Variants in GLIS3 observed in about 807,000 individuals in gnomAD.
GLIS3 encodes the protein GLIS family zinc finger 3, also known as zinc finger protein GLIS3.
GLIS3 carries 53 observed loss-of-function variants against 78.6 expected under a neutral mutation model. The ratio of observed to expected loss-of-function variants is 0.67; its 90% CI spans 0.54 to 0.85. The LOEUF is 0.85. Ranked by LOEUF, GLIS3 falls within the 40% of genes least tolerant of loss-of-function variation. The probability of loss-of-function intolerance (pLI) is 0.00; values close to 1 mark genes in which losing one functional copy is unlikely to be tolerated. For missense variants in GLIS3, 1,703 were observed against 1,231.1 expected (o/e 1.38, Z -5.74); for synonymous variants, 684 against 509.9 (o/e 1.34, Z -4.60).
At chr9:3,856,670 C>T (rs1006105902) in intron 8 of GLIS3, among the ~76,000 whole-genome samples, 19 of 152,198 alleles carry the variant, frequency 1.2e-4, no homozygotes, top group Admixed American at 1.2e-3. Context: ...ATGAGCCTCT[C>T]TAATCCTATT....
intron 2 of GLIS3, among the ~76,000 whole-genome samples, chr9:4,284,192 C>G (rs1356100093): frequency 1.3e-5 from 2 of 152,178 alleles, no homozygotes; most frequent in African/African-American, 4.8e-5. Flanking sequence ...AGTTAAATAA[C>G]CATAGCATAC....
At chr9:4,011,270 T>A (rs1821981704) in intron 4 of GLIS3, among the ~76,000 whole-genome samples, 1 of 152,158 alleles carries the variant, frequency 6.6e-6, no homozygotes, top group Non-Finnish European at 1.5e-5. Context: ...AGAATCGGGT[T>A]TGTAAGAGTC....
the GLIS3 span, among the ~76,000 whole-genome samples, chr9:4,370,273 T>TC: frequency 6.7e-6 from 1 of 149,986 alleles, no homozygotes; most frequent in African/African-American, 2.5e-5. Context: ...AGTGGGGCCC[T>TC]CCCCTTCCAT....
At chr9:3,973,772 A>G (rs1290267824) in intron 4 of GLIS3, among the ~76,000 whole-genome samples, 1 of 152,186 alleles carries the variant, frequency 6.6e-6, no homozygotes, top group Non-Finnish European at 1.5e-5. Flanking sequence ...AGTAGTTAAA[A>G]TGAGAATCAC....
At chr9:4,072,316 C>A (rs1039501929) in intron 4 of GLIS3, among the ~76,000 whole-genome samples, 4 of 152,156 alleles carry the variant, frequency 2.6e-5, no homozygotes, top group Non-Finnish European at 5.9e-5. Flanking sequence ...CATTCACAAT[C>A]AGTGCAGTTT....
the GLIS3 span, among the ~76,000 whole-genome samples, chr9:4,393,157 C>T: frequency 6.6e-6 from 1 of 152,086 alleles, no homozygotes; most frequent in Admixed American, 6.5e-5. Context: ...ATATCTTTTA[C>T]ACAGGTTCAC....
chr9:3,988,551 T>A lies in GLIS3; in HGVS notation c.1711-51362A>T, dbSNP rs116364508. Among the ~76,000 whole-genome samples, 1,411 of 152,290 alleles carry A rather than the reference T, an allele frequency of 9.3e-3. 24 individuals carry two copies. Among genetic ancestry groups the A allele is most frequent in the African/African-American group, 0.032 (1,310 of 41,564 alleles). ...AGTAATCAAGACAATGTGGTATTGA[T>A]GAATTAATACATAGATCGATTGAAC... On this transcript the variant is annotated intron_variant, in intron 4 of 10. Transcript: ENST00000381971.
intron 2 of GLIS3, among the ~76,000 whole-genome samples, chr9:4,157,832 A>G (rs1021431231): frequency 1.8e-4 from 28 of 152,202 alleles, no homozygotes; most frequent in Admixed American, 1.8e-3. Flanking sequence ...GGGAGCCTTT[A>G]TGTGCAGTTA....
chr9:4,020,874 T>A (rs980374114), intron 4 of GLIS3, among the ~76,000 whole-genome samples: 1 of 152,224 alleles, frequency 6.6e-6, no homozygotes, highest in African/African-American at 2.4e-5. Context: ...GTGTATCTCC[T>A]GATCACAGCC....
At chr9:3,927,565 A>G (rs947441950) in intron 6 of GLIS3, among the ~76,000 whole-genome samples, 49 of 152,202 alleles carry the variant, frequency 3.2e-4, no homozygotes, top group African/African-American at 1.0e-3. Context: ...ATCCTGGACC[A>G]TTACCCCAGA....
chr9:4,265,709 C>G (rs1825936621), intron 2 of GLIS3, among the ~76,000 whole-genome samples: 1 of 152,074 alleles, frequency 6.6e-6, no homozygotes, highest in South Asian at 2.1e-4. Flanking sequence ...ACACAGAGAC[C>G]AAGTGTCATG....
At chr9:4,120,603 A>T (rs1425060008) in intron 3 of GLIS3, among the ~76,000 whole-genome samples, 1 of 152,224 alleles carries the variant, frequency 6.6e-6, no homozygotes, top group African/African-American at 2.4e-5. Flanking sequence ...CCCCAGCAAG[A>T]TCGAGGAATT....
chr9:4,419,698 T>TA, the GLIS3 span, among the ~76,000 whole-genome samples: 1 of 152,194 alleles, frequency 6.6e-6, no homozygotes, highest in African/African-American at 2.4e-5. Context: ...GAGAATCGCT[T>TA]GAACCCAGGA....
At chr9:4,182,972 C>T (rs10814863) in intron 2 of GLIS3, among the ~76,000 whole-genome samples, 41,763 of 152,116 alleles carry the variant, frequency 0.27, 6,923 homozygotes, top group South Asian at 0.53. Flanking sequence ...AAATGACACC[C>T]CACCGCTCAC....
At chr9:4,338,052 G>C (rs1156237499) in intron 2 of GLIS3, among the ~76,000 whole-genome samples, 1 of 114,658 alleles carries the variant, frequency 8.7e-6, no homozygotes, top group South Asian at 2.9e-4. Context: ...GTGTGTGTGT[G>C]TGTGTGTGTG....
intron 2 of GLIS3, among the ~76,000 whole-genome samples, chr9:4,336,184 A>C (rs1817753483): frequency 6.6e-6 from 1 of 152,192 alleles, no homozygotes; most frequent in Non-Finnish European, 1.5e-5. Flanking sequence ...CTTCTCCCTG[A>C]CCTAATCTTG....
At chr9:4,463,376 T>C in the GLIS3 span, among the ~76,000 whole-genome samples, 1 of 152,206 alleles carries the variant, frequency 6.6e-6, no homozygotes, top group Non-Finnish European at 1.5e-5. Flanking sequence ...TGGGACTCTC[T>C]CACCTTCCTT....
chr9:4,234,447 C>G (rs1232346041), intron 2 of GLIS3, among the ~76,000 whole-genome samples: 1 of 152,160 alleles, frequency 6.6e-6, no homozygotes, highest in Non-Finnish European at 1.5e-5. Context: ...GTGGAACAGT[C>G]AGAATACACA....
At chr9:4,328,526 C>G (rs1051481002) in intron 2 of GLIS3, among the ~76,000 whole-genome samples, 21 of 152,344 alleles carry the variant, frequency 1.4e-4, no homozygotes, top group African/African-American at 4.8e-4. Flanking sequence ...GACAGATCAG[C>G]CCCTCCATAA....
Sources: gnomAD v4.1 joint callset for allele counts (sites outside exome capture counted in the v4.1 genomes callset) on GRCh38, gnomAD v4.1.1 for gene constraint, MANE v1.5 for transcripts, NCBI Gene and HGNC (gene_info 2026-07-23, HGNC 2026-07-21) for gene names.